RABGAP1L: variants seen among roughly 807,000 people sequenced by gnomAD.
The protein encoded by RABGAP1L is RAB GTPase activating protein 1 like.
Under a neutral mutation model 137.7 loss-of-function variants are expected in RABGAP1L, and 63 were observed. The ratio of observed to expected loss-of-function variants is 0.46; its 90% CI spans 0.37 to 0.56. The LOEUF (loss-of-function observed/expected upper bound fraction) is 0.56. Ranked by LOEUF, RABGAP1L falls within the 20% of genes least tolerant of loss-of-function variation. The probability of loss-of-function intolerance (pLI) is 0.00; values close to 1 mark genes in which losing one functional copy is unlikely to be tolerated. For synonymous variants in RABGAP1L, 431 were observed against 433.7 expected (o/e 0.99, Z 0.08); for missense variants, 1,095 against 1,244.0 (o/e 0.88, Z 1.80).
intron 11 of RABGAP1L, among the ~76,000 whole-genome samples, chr1:174,332,687 C>T (rs1359612842): frequency 2.6e-5 from 4 of 152,168 alleles, no homozygotes; most frequent in African/African-American, 4.8e-5. Flanking sequence ...TGAGCCACCG[C>T]GCCCGGCTGA....
intron 13 of RABGAP1L, among the ~76,000 whole-genome samples, chr1:174,515,805 C>T (rs1389702967): frequency 6.6e-6 from 1 of 151,700 alleles, no homozygotes; most frequent in Non-Finnish European, 1.5e-5. Context: ...GCCTTATTGC[C>T]GATAATGGTG....
At chr1:174,858,380 A>T (rs1649668429) in intron 19 of RABGAP1L, among the ~76,000 whole-genome samples, 1 of 152,156 alleles carries the variant, frequency 6.6e-6, no homozygotes, top group African/African-American at 2.4e-5. Flanking sequence ...TTGAGGGGAC[A>T]TTTAGCAATG....
chr1:174,744,875 A>AAGATG (rs1683749002), intron 17 of RABGAP1L, among the ~76,000 whole-genome samples: 1 of 152,250 alleles, frequency 6.6e-6, no homozygotes, highest in East Asian at 1.9e-4. Context: ...TGATCATTAT[A>AAGATG]CTATGGTTAT....
At chr1:174,384,185 CTA>C (rs1320028065) in intron 12 of RABGAP1L, among the ~76,000 whole-genome samples, 1 of 152,188 alleles carries the variant, frequency 6.6e-6, no homozygotes, top group Non-Finnish European at 1.5e-5. Flanking sequence ...TGACTTAATA[CTA>C]TGTTATTCCA....
chr1:174,376,052 C>T (rs1480083579), intron 12 of RABGAP1L, among the ~76,000 whole-genome samples: 1 of 149,792 alleles, frequency 6.7e-6, no homozygotes, highest in East Asian at 2.0e-4. Context: ...AGTGACAGAG[C>T]AAGACTCTGT....
chr1:174,742,472 G>A (rs1043222580), intron 17 of RABGAP1L, among the ~76,000 whole-genome samples: 8 of 152,144 alleles, frequency 5.3e-5, no homozygotes, highest in African/African-American at 1.4e-4. Flanking sequence ...AGCTGAGATC[G>A]CGCCACTGCA....
chr1:174,967,651 T>G (rs1669754518), intron 20 of RABGAP1L, among the ~76,000 whole-genome samples: 1 of 151,986 alleles, frequency 6.6e-6, no homozygotes, highest in South Asian at 2.1e-4. Context: ...ACCCAGCTAA[T>G]TTTTAAAAAT....
chr1:174,898,335 G>A (rs1421109650), intron 19 of RABGAP1L, among the ~76,000 whole-genome samples: 1 of 152,192 alleles, frequency 6.6e-6, no homozygotes, highest in East Asian at 1.9e-4. Context: ...CAGGCTTTCT[G>A]GCTCTAGGGC....
chr1:174,299,392 C>T (rs893849754), intron 10 of RABGAP1L, among the ~76,000 whole-genome samples: 26 of 152,152 alleles, frequency 1.7e-4, no homozygotes, highest in African/African-American at 6.0e-4. Flanking sequence ...GGGTAGGTGG[C>T]CAGTTTCTCA....
At chr1:174,350,117 A>C (rs1328301459) in intron 11 of RABGAP1L, among the ~76,000 whole-genome samples, 5 of 104,564 alleles carry the variant, frequency 4.8e-5, no homozygotes, top group Admixed American at 9.6e-5. Flanking sequence ...CCCGGACGGC[A>C]CGGCTGGCCG....
intron 19 of RABGAP1L, among the ~76,000 whole-genome samples, chr1:174,893,501 T>C: frequency 6.6e-6 from 1 of 152,204 alleles, no homozygotes; most frequent in African/African-American, 2.4e-5. Context: ...AAAACAAAAG[T>C]GATGCATATA....
chr1:174,898,301 A>G (rs1236521185), intron 19 of RABGAP1L, among the ~76,000 whole-genome samples: 1 of 152,232 alleles, frequency 6.6e-6, no homozygotes. Flanking sequence ...AGTGCTGGAA[A>G]ATGGTAAAGT....
At chr1:174,412,674 A>T (rs1185405474) in intron 13 of RABGAP1L, among the ~76,000 whole-genome samples, 1 of 152,122 alleles carries the variant, frequency 6.6e-6, no homozygotes, top group Non-Finnish European at 1.5e-5. Flanking sequence ...GAATTCCCTT[A>T]GCACTTGCTC....
intron 17 of RABGAP1L, among the ~76,000 whole-genome samples, chr1:174,744,520 A>G (rs753460966): frequency 9.2e-5 from 14 of 152,216 alleles, no homozygotes; most frequent in South Asian, 2.1e-4. Flanking sequence ...TAAAAGGACA[A>G]TGATTTTTAT....
intron 1 of RABGAP1L, among the ~76,000 whole-genome samples, chr1:174,187,025 T>C (rs1377533257): frequency 6.6e-6 from 1 of 152,186 alleles, no homozygotes; most frequent in Admixed American, 6.5e-5. Context: ...CTGTGATAAG[T>C]TTCACTGACT....
At chr1:174,195,757 TTCTC>T (rs1377785472) in intron 1 of RABGAP1L, among the ~76,000 whole-genome samples, 28 of 141,330 alleles carry the variant, frequency 2.0e-4, no homozygotes, top group South Asian at 9.0e-4. Flanking sequence ...CTTTCTCTCT[TTCTC>T]TCTTTCTCTC....
intron 13 of RABGAP1L, among the ~76,000 whole-genome samples, chr1:174,532,168 A>T (rs1664466142): frequency 6.6e-6 from 1 of 151,930 alleles, no homozygotes; most frequent in African/African-American, 2.4e-5. Flanking sequence ...AGCAGTTTAG[A>T]TCAGAAGTCA....
At chr1:174,975,791 A>G (rs1670593159) in intron 21 of RABGAP1L, among the ~76,000 whole-genome samples, 1 of 152,188 alleles carries the variant, frequency 6.6e-6, no homozygotes. Flanking sequence ...TCATGACTCT[A>G]TTAGATGTGT....
intron 19 of RABGAP1L, among the ~76,000 whole-genome samples, chr1:174,946,942 GTGTGTGT>G (rs1666942223): frequency 2.2e-5 from 1 of 46,138 alleles, no homozygotes; most frequent in Non-Finnish European, 4.1e-5. Flanking sequence ...ATATATATAT[GTGTGTGT>G]GTGTGTGTGT....
Sources: allele counts gnomAD v4.1 joint callset (sites outside exome capture counted in the v4.1 genomes callset), GRCh38; gene constraint gnomAD v4.1.1; transcripts MANE v1.5; gene names NCBI Gene and HGNC (gene_info 2026-07-23, HGNC 2026-07-21).